The following CNTNAP5 variants were observed in gnomAD, a reference collection of about 807,000 sequenced individuals.
CNTNAP5 encodes the protein contactin associated protein family member 5, also known as contactin-associated protein-like 5.
CNTNAP5 carries 72 observed loss-of-function variants against 150.2 expected under a neutral mutation model. That is an observed-to-expected ratio of 0.48 (90% CI 0.40 to 0.58). The LOEUF is 0.58. CNTNAP5 is among the 20% of genes least tolerant of loss of function. CNTNAP5 has a pLI of 0.00. For synonymous variants in CNTNAP5, 672 were observed against 619.8 expected (o/e 1.08, Z -1.25); for missense variants, 1,636 against 1,626.2 (o/e 1.01, Z -0.10).
intron 11 of CNTNAP5, among the ~76,000 whole-genome samples, chr2:124,573,861 T>C (rs1696218767): frequency 6.6e-6 from 1 of 152,178 alleles, no homozygotes; most frequent in Non-Finnish European, 1.5e-5. Context: ...GTCTCTAAAA[T>C]AACAGTAACT....
chr2:124,253,139 TG>T (rs976791641), intron 3 of CNTNAP5, among the ~76,000 whole-genome samples: 3 of 151,860 alleles, frequency 2.0e-5, no homozygotes, highest in Non-Finnish European at 4.4e-5. Context: ...AGCAAAATGG[TG>T]GGTAACAAAA....
Position 124,744,209 on chromosome 2 carries a change from C to T in CNTNAP5, c.2078-3020C>T, listed in dbSNP as rs764253586. Among the ~76,000 whole-genome samples the T allele has an allele frequency of 2.0e-5, 3 of 152,056 alleles. No homozygotes were observed. The South Asian group carries it at 6.2e-4, about 32-fold the overall frequency. On this transcript the variant is annotated intron_variant, in intron 13 of 23. Coordinates refer to ENST00000682447, the MANE Select transcript of CNTNAP5 (RefSeq NM_001367498.1). ...GGTGCAATTTGCCCCATTCTGTTCTCGTGGTAGTGAATAAGTCTTACAAGA... is the reference window on the plus strand; with the variant it reads ...GGTGCAATTTGCCCCATTCTGTTCTTGTGGTAGTGAATAAGTCTTACAAGA...
At chr2:124,225,854 A>G (rs560607797) in intron 2 of CNTNAP5, among the ~76,000 whole-genome samples, 1 of 152,130 alleles carries the variant, frequency 6.6e-6, no homozygotes, top group Admixed American at 6.6e-5. Context: ...GATTCCTCAT[A>G]TAAGTGAGAT....
chr2:124,872,643 A>G (rs1394646930), intron 21 of CNTNAP5, among the ~76,000 whole-genome samples: 1 of 151,816 alleles, frequency 6.6e-6, no homozygotes. Flanking sequence ...CTTCTGGTTG[A>G]AGTCTTAGCG....
chr2:124,028,914 A>G (rs1573701484), intron 1 of CNTNAP5, among the ~76,000 whole-genome samples: 1 of 152,170 alleles, frequency 6.6e-6, no homozygotes, highest in East Asian at 1.9e-4. Flanking sequence ...AATATTAAGT[A>G]TGGTAAGAGA....
rs1696896597 is a variant in CNTNAP5, at chr2:124,598,708, C to G, written c.1757-11093C>G. 3.9e-5 allele frequency among the ~76,000 whole-genome samples: 6 copies of G among 152,148 alleles called. No individual in the cohort carries two copies. The South Asian group carries it at 1.2e-3, about 32-fold the overall frequency. On this transcript the variant is annotated intron_variant, in intron 11 of 23. Transcript: ENST00000682447. ...TTCCCGGCTGCTTTGTTTACCTAATCAAGCCTGGGCAATGGCGGGCGCCCC... is the reference window on the plus strand; with the variant it reads ...TTCCCGGCTGCTTTGTTTACCTAATGAAGCCTGGGCAATGGCGGGCGCCCC...
intron 18 of CNTNAP5, 94 bp from the exon 19 acceptor site, chr2:124,798,002 G>A: frequency 2.5e-6 from 2 of 813,214 alleles, no homozygotes; most frequent in Non-Finnish European, 4.0e-6. Flanking sequence ...CTCACACAGT[G>A]CCCAGTGCAT....
At chr2:124,253,254 A>T (rs1687230394) in intron 3 of CNTNAP5, among the ~76,000 whole-genome samples, 1 of 152,034 alleles carries the variant, frequency 6.6e-6, no homozygotes, top group South Asian at 2.1e-4. Context: ...AATTTCCAAG[A>T]ACTTGTAAAA....
intron 17 of CNTNAP5, among the ~76,000 whole-genome samples, chr2:124,774,735 C>T (rs769315260): frequency 1.4e-4 from 22 of 152,174 alleles, no homozygotes; most frequent in Middle Eastern, 3.4e-3. Context: ...TATCTTCAGG[C>T]AGTATTTATG....
chr2:124,362,751 C>T (rs969176085), intron 3 of CNTNAP5, among the ~76,000 whole-genome samples: 1 of 152,140 alleles, frequency 6.6e-6, no homozygotes, highest in Non-Finnish European at 1.5e-5. Context: ...CCATCTGTAC[C>T]TTTGAAGAGT....
chr2:124,668,344 C>A (rs953232398), intron 13 of CNTNAP5, among the ~76,000 whole-genome samples: 1 of 152,186 alleles, frequency 6.6e-6, no homozygotes, highest in Non-Finnish European at 1.5e-5. Flanking sequence ...AGATCTTAAG[C>A]AGCTAACGGA....
At chr2:124,536,604 G>A (rs879380073) in intron 10 of CNTNAP5, among the ~76,000 whole-genome samples, 5 of 152,132 alleles carry the variant, frequency 3.3e-5, no homozygotes, top group East Asian at 1.9e-4. Flanking sequence ...GCCGGGATTC[G>A]AATTCAGGTT....
At chr2:124,564,106 C>T (rs535102777) in intron 11 of CNTNAP5, among the ~76,000 whole-genome samples, 5 of 152,048 alleles carry the variant, frequency 3.3e-5, no homozygotes, top group African/African-American at 1.2e-4. Flanking sequence ...TGGGAGGAAA[C>T]AAAAACAAGA....
intron 3 of CNTNAP5, among the ~76,000 whole-genome samples, chr2:124,289,311 T>C (rs963783057): frequency 5.3e-5 from 8 of 152,232 alleles, no homozygotes; most frequent in African/African-American, 1.9e-4. Context: ...AATAGGTGAC[T>C]AAGCTATTGT....
At chr2:124,206,445 C>T (rs1032112007) in intron 1 of CNTNAP5, among the ~76,000 whole-genome samples, 5 of 152,152 alleles carry the variant, frequency 3.3e-5, no homozygotes, top group Non-Finnish European at 5.9e-5. Context: ...GTATGAATAA[C>T]CCCTTATTTT....
At chr2:124,407,947 A>C (rs1691619625) in intron 3 of CNTNAP5, among the ~76,000 whole-genome samples, 1 of 152,140 alleles carries the variant, frequency 6.6e-6, no homozygotes, top group South Asian at 2.1e-4. Context: ...AAGATGGGTG[A>C]TTTCTGCATT....
At chr2:124,624,021 T>C (rs1504023) in intron 12 of CNTNAP5, among the ~76,000 whole-genome samples, 91,787 of 152,082 alleles carry the variant, frequency 0.6, 28,533 homozygotes, top group African/African-American at 0.68. Context: ...TTTATGATGT[T>C]GACCAAAGTG....
At chr2:124,188,719 A>AG (rs957355615) in intron 1 of CNTNAP5, among the ~76,000 whole-genome samples, 1 of 148,166 alleles carries the variant, frequency 6.7e-6, no homozygotes, top group Non-Finnish European at 1.5e-5. Context: ...TCTGTCTCAA[A>AG]AAAAAAAAAA....
intron 1 of CNTNAP5, among the ~76,000 whole-genome samples, chr2:124,059,512 C>G (rs1303634515): frequency 6.6e-6 from 1 of 152,180 alleles, no homozygotes; most frequent in African/African-American, 2.4e-5. Context: ...TTGTGATGCA[C>G]AGGATGTCAT....
Sources: gnomAD v4.1 joint callset for allele counts (sites outside exome capture counted in the v4.1 genomes callset) on GRCh38, gnomAD v4.1.1 for gene constraint, MANE v1.5 for transcripts, NCBI Gene and HGNC (gene_info 2026-07-23, HGNC 2026-07-21) for gene names.